The following TEAD3 variants were observed in gnomAD, a reference collection of about 807,000 sequenced individuals.
TEAD3 encodes the protein transcriptional enhancer factor TEF-5.
TEAD3 carries 15 observed loss-of-function variants against 55.6 expected under a neutral mutation model. The observed-to-expected ratio is 0.27, with a 90% CI of 0.18 to 0.42. The LOEUF is 0.42. Ranked by LOEUF, TEAD3 falls within the 10% of genes least tolerant of loss-of-function variation. The probability of loss-of-function intolerance (pLI) is 1.00; values close to 1 mark genes in which losing one functional copy is unlikely to be tolerated. For missense variants in TEAD3, 407 were observed against 576.8 expected, an observed-to-expected ratio of 0.71 and a Z score of 3.01; for synonymous variants, 210 against 232.2, an observed-to-expected ratio of 0.90 and a Z score of 0.87.
rs975967691 is a variant in TEAD3, at chr6:35,484,355, AGAG to A, written c.267+202_267+204del. ...AGAGGACAGTGGGGCCATCTCTCCA[AGAG>A]AAGTGGGAAGGGTGAATGGAGCTGC... On this transcript the variant is annotated intron_variant, in intron 3 of 12. Coordinates refer to ENST00000639578, the Ensembl canonical transcript of TEAD3. The surrounding 1 kb of genome is among the most constrained non-coding windows in gnomAD (Gnocchi z 5.8). Among the ~76,000 whole-genome samples, 4 of 151,744 alleles carry A rather than the reference AGAG, an allele frequency of 2.6e-5. No homozygotes were observed. The highest frequency in any genetic ancestry group is 9.7e-5 in the African/African-American group (4 of 41,292).
chr6:35,487,826 T>C (rs1430721361), intron 1 of TEAD3, among the ~76,000 whole-genome samples: 1 of 152,026 alleles, frequency 6.6e-6, no homozygotes, highest in Non-Finnish European at 1.5e-5. Flanking sequence ...AGATGAAAAC[T>C]AAGGCTCACA....
chr6:35,487,839 G>A (rs1343507124), intron 1 of TEAD3, among the ~76,000 whole-genome samples: 1 of 152,194 alleles, frequency 6.6e-6, no homozygotes. Flanking sequence ...GGCTCACAAG[G>A]TCACGCAGCT....
At position 35,488,076 on chromosome 6, in the gene TEAD3, C is replaced by G. The variant is rs929378231; in HGVS notation, c.-49-1365G>C. Among the ~76,000 whole-genome samples the G allele has an allele frequency of 1.3e-5, 2 of 152,220 alleles. No individual in the cohort carries two copies. Among genetic ancestry groups the G allele is most frequent in the Non-Finnish European group, 2.9e-5 (2 of 68,048 alleles). ...ATTTTATCTTCCCCCAAATCGATAA[C>G]TAACCAGAACTCTGCCAAGGGGCCT... On this transcript the variant is annotated intron_variant, in intron 1 of 12. Transcript: ENST00000639578. This position sits in a 1 kb window ranked among gnomAD's most constrained non-coding sequence, Gnocchi z 4.2.
At chr6:35,480,133 A>C (rs1768235909) in intron 3 of TEAD3, 179 bp downstream of exon 4, 2 of 1,546,100 alleles carry the variant, frequency 1.3e-6, no homozygotes, top group Non-Finnish European at 1.7e-6. Flanking sequence ...CTGTAGAGAG[A>C]GAAAGAAAGA....
rs2150914101 is a variant in TEAD3, at chr6:35,484,832, G to A, written c.203-208C>T. Among the ~76,000 whole-genome samples, 1 of 152,340 alleles carries A rather than the reference G, an allele frequency of 6.6e-6. No homozygotes were observed. The highest frequency in any genetic ancestry group is 6.5e-5 in the Admixed American group (1 of 15,308). ...CATCCTACCACCTCCAGGACCTAGA[G>A]GGGCTGCTCTTCAGGGGAGGGGTGC... On this transcript the variant is annotated intron_variant, in intron 2 of 12. Transcript: ENST00000639578. The surrounding 1 kb of genome is among the most constrained non-coding windows in gnomAD (Gnocchi z 5.8).
chr6:35,488,322 GC>G lies in TEAD3; in HGVS notation c.-49-1612del, dbSNP rs1207027296. On this transcript the variant is annotated intron_variant, in intron 1 of 12. Transcript: ENST00000639578. The surrounding 1 kb of genome is among the most constrained non-coding windows in gnomAD (Gnocchi z 4.2). ...GGCCAGGGCTCTGTAAACTGTGAGT[GC>G]CCTGAACCTGCCAGGCTATTAATTT... Among the ~76,000 whole-genome samples the G allele has an allele frequency of 2.0e-5, 3 of 152,042 alleles. No homozygotes were observed. Among genetic ancestry groups the G allele is most frequent in the African/African-American group, 2.4e-5 (1 of 41,370 alleles).
In TEAD3 at chr6:35,475,261, C is replaced by G; in HGVS notation, c.1194+75G>C. 6.2e-7 allele frequency: 1 copy of G among 1,604,720 alleles called. No individual in the cohort carries two copies. The highest frequency in any genetic ancestry group is 8.5e-7 in the Non-Finnish European group (1 of 1,174,520). ...CCTTTCCGGATCTATGCCTCTCAGC[C>G]AAGCGATGTGTCTGGCTACCCAACT... On this transcript the variant is annotated intron_variant, in intron 12 of 12. Transcript: ENST00000639578. The surrounding 1 kb of genome is among the most constrained non-coding windows in gnomAD (Gnocchi z 5.4).
intron 1 of TEAD3, among the ~76,000 whole-genome samples, chr6:35,494,871 G>GC (rs1186293389): frequency 7.5e-6 from 1 of 133,848 alleles, no homozygotes; most frequent in East Asian, 2.1e-4. Context: ...CTTGACACCT[G>GC]CCCCCCGCCA....
At position 35,486,757 on chromosome 6, in the gene TEAD3, C is replaced by G; in HGVS notation, c.-49-46G>C. 7.3e-7 allele frequency: 1 copy of G among 1,366,594 alleles called. No individual in the cohort carries two copies. Among genetic ancestry groups the G allele is most frequent in the Non-Finnish European group, 1.0e-6 (1 of 990,662 alleles). 84.7% of individuals were successfully genotyped at this position (1,366,594 alleles called of 1,614,324 possible). A position where few individuals can be genotyped will look rare whatever the true frequency, so the allele number is the denominator to read the frequency against. On this transcript the variant is annotated intron_variant, in intron 1 of 12. Coordinates refer to ENST00000639578, the Ensembl canonical transcript of TEAD3. This position sits in a 1 kb window ranked among gnomAD's most constrained non-coding sequence, Gnocchi z 7.3. Reference sequence around the variant, plus strand: ...AACTGGGACCAGGGTCCTCCTCGACCACAGCAATCTCCTATCCCACAGCCG... The same window carrying G: ...AACTGGGACCAGGGTCCTCCTCGACGACAGCAATCTCCTATCCCACAGCCG...
intron 5 of TEAD3, 121 bp downstream of exon 5, chr6:35,479,183 GT>G (rs530862648): frequency 7.4e-7 from 1 of 1,349,502 alleles, no homozygotes; most frequent in Non-Finnish European, 1.0e-6. Context: ...CAGCCATTTC[GT>G]TTTTTTAAAA....
chr6:35,481,067 T>C (rs1266191426), intron 3 of TEAD3, among the ~76,000 whole-genome samples: 2 of 151,776 alleles, frequency 1.3e-5, no homozygotes, highest in Non-Finnish European at 2.9e-5. Context: ...CTCCCATAAC[T>C]TTTCCCCCCA....
intron 4 of TEAD3, chr6:35,479,991 C>A: frequency 7.5e-7 from 1 of 1,340,192 alleles, no homozygotes; most frequent in Non-Finnish European, 1.0e-6. Context: ...GCTGGAGCCA[C>A]AGAGCAGCGA....
Position 35,475,414 on chromosome 6 carries a change from G to A in TEAD3, c.1116C>T (p.Ile372=), listed in dbSNP as rs374788234. ...GGTGCTTCAGCTTGTGGATGAAGTT[G>A]ATCATGTACTCGCACATGGGCGAGC... Residue 372 remains isoleucine, a synonymous_variant, in exon 12 of 13, where the codon ATC becomes ATT. Transcript: ENST00000639578. The surrounding 1 kb of genome is among the most constrained non-coding windows in gnomAD (Gnocchi z 5.4). 171 of 1,613,952 alleles carry A rather than the reference G, an allele frequency of 1.1e-4. 1 individual carries two copies. The highest frequency in any genetic ancestry group is 1.3e-4 in the Non-Finnish European group (156 of 1,180,002).
At chr6:35,490,672 G>A (rs933228906) in intron 1 of TEAD3, among the ~76,000 whole-genome samples, 3 of 152,198 alleles carry the variant, frequency 2.0e-5, no homozygotes, top group Admixed American at 6.5e-5. Context: ...TGCAGGAGGC[G>A]TGAGCACTGG....
intron 5 of TEAD3, 92 bp from the exon 6 acceptor site, chr6:35,478,663 G>C: frequency 6.9e-7 from 1 of 1,444,270 alleles, no homozygotes; most frequent in Non-Finnish European, 9.2e-7. Flanking sequence ...AGAGTCCAAA[G>C]CACTAGGATG....
intron 5 of TEAD3, 40 bp downstream of exon 5, chr6:35,479,265 C>T (rs2150911820): frequency 4.3e-6 from 7 of 1,611,400 alleles, no homozygotes; most frequent in Non-Finnish European, 5.9e-6. Context: ...GTGTTAAGAC[C>T]CTTTCCCCCA....
At chr6:35,480,556 TGG>T (rs1768247086) in intron 3 of TEAD3, among the ~76,000 whole-genome samples, 182 bp from the exon 4 acceptor site, 2 of 152,220 alleles carry the variant, frequency 1.3e-5, no homozygotes, top group Non-Finnish European at 2.9e-5. Flanking sequence ...CTCAAACTCC[TGG>T]GCTCAAGCGA....
chr6:35,493,111 A>G (rs1768565416), intron 1 of TEAD3, among the ~76,000 whole-genome samples: 1 of 152,178 alleles, frequency 6.6e-6, no homozygotes, highest in South Asian at 2.1e-4. Flanking sequence ...TCTCGCTCGC[A>G]TACACAGTTG....
In TEAD3 at chr6:35,484,484, G is replaced by A. The variant is rs1561805876; in HGVS notation, c.267+76C>T. ...GGGCAGCCTCGAGGAGGTGGGCAGG[G>A]TAGGGGCAAGGGGTTGACCGGGGCA... On this transcript the variant is annotated intron_variant, in intron 3 of 12. Transcript: ENST00000639578. This position sits in a 1 kb window ranked among gnomAD's most constrained non-coding sequence, Gnocchi z 5.8. The A allele has an allele frequency of 2.8e-6, 4 of 1,442,902 alleles. No homozygotes were observed. The highest frequency in any genetic ancestry group is 2.4e-5 in the South Asian group (2 of 81,830). 89.4% of individuals were successfully genotyped at this position (1,442,902 alleles called of 1,614,324 possible). A position where few individuals can be genotyped will look rare whatever the true frequency, so the allele number is the denominator to read the frequency against.
Sources: gnomAD v4.1 joint callset for allele counts (sites outside exome capture counted in the v4.1 genomes callset) on GRCh38, gnomAD v4.1.1 for gene constraint, Gnocchi (gnomAD v3.1) non-coding constraint, MANE v1.5 for transcripts, NCBI Gene and HGNC (gene_info 2026-07-23, HGNC 2026-07-21) for gene names.